The following VPS41 variants were observed in gnomAD, a reference collection of about 807,000 sequenced individuals.
VPS41 encodes vacuolar protein sorting-associated protein 41 homolog.
Under a neutral mutation model 130.9 loss-of-function variants are expected in VPS41, and 85 were observed. That is an observed-to-expected ratio of 0.65 (90% CI 0.55 to 0.78). The LOEUF (loss-of-function observed/expected upper bound fraction) is 0.78. VPS41 is among the 30% of genes least tolerant of loss of function. The pLI, the probability that VPS41 is intolerant of heterozygous loss-of-function variation, is 0.00. For synonymous variants in VPS41, 335 were observed against 332.9 expected (o/e 1.01, Z -0.07); for missense variants, 874 against 1,018.7 (o/e 0.86, Z 1.93).
intron 4 of VPS41, among the ~76,000 whole-genome samples, chr7:38,846,398 G>GC (rs397698449): frequency 6.3e-5 from 1 of 15,910 alleles, no homozygotes; most frequent in African/African-American, 2.5e-3. Context: ...TCTTCTGCAT[G>GC]AGTCATCAAG....
At chr7:38,890,650 G>T (rs111244391) in intron 2 of VPS41, among the ~76,000 whole-genome samples, 5 of 152,202 alleles carry the variant, frequency 3.3e-5, no homozygotes, top group Middle Eastern at 3.4e-3. Context: ...TTTGGAAAGC[G>T]GGTGAAGGAT....
At chr7:38,743,363 G>GA in intron 24 of VPS41, 39 bp downstream of exon 24, 6 of 1,607,396 alleles carry the variant, frequency 3.7e-6, no homozygotes, top group East Asian at 2.2e-5. Flanking sequence ...TACACTGAGA[G>GA]AAAAAAAAGT....
intron 10 of VPS41, among the ~76,000 whole-genome samples, chr7:38,785,687 A>G (rs971320753): frequency 6.6e-6 from 1 of 152,236 alleles, no homozygotes; most frequent in Non-Finnish European, 1.5e-5. Context: ...TTATAAATAT[A>G]AAACTACCTT....
intron 22 of VPS41, among the ~76,000 whole-genome samples, chr7:38,750,461 A>G (rs1221079068): frequency 1.3e-5 from 2 of 152,196 alleles, no homozygotes; most frequent in African/African-American, 4.8e-5. Flanking sequence ...ATTCTCTTTC[A>G]GTGGGACACG....
rs1189599770 is a variant in VPS41 at position 38,723,622 on chromosome 7, G to A, written c.*2624C>T. ...GCCTGTACTCCCACCTACTCCGGAA[G>A]CTGAGACGGGAGAATCACTTGAACC... On this transcript the variant is annotated 3_prime_UTR_variant, in exon 29 of 29. Coordinates refer to ENST00000310301, the MANE Select transcript of VPS41 (RefSeq NM_014396.4). 2 of 148,782 alleles carry A rather than the reference G, an allele frequency of 1.3e-5. No homozygotes were observed. Among genetic ancestry groups the A allele is most frequent in the Non-Finnish European group, 3.0e-5 (2 of 67,786 alleles). 9.2% of individuals were successfully genotyped at this position (148,782 alleles called of 1,614,324 possible). A position where few individuals can be genotyped will look rare whatever the true frequency, so the allele number is the denominator to read the frequency against.
chr7:38,897,134 T>C (rs1427657793), intron 2 of VPS41, among the ~76,000 whole-genome samples: 1 of 138,946 alleles, frequency 7.2e-6, no homozygotes. Flanking sequence ...ATAGAGGTTA[T>C]AGTGAGCCCA....
At chr7:38,895,920 C>A (rs1786978443) in intron 2 of VPS41, among the ~76,000 whole-genome samples, 1 of 152,186 alleles carries the variant, frequency 6.6e-6, no homozygotes, top group African/African-American at 2.4e-5. Flanking sequence ...CATTCTGCCT[C>A]GGCTGGGTCT....
rs188100598 is a variant in VPS41, at chr7:38,880,024, G to A, written c.61-10771C>T. ...TATGCAGCGCATATACACTGTACTA[G>A]TTACTTAAAACCTTGGTTACCTTGC... On this transcript the variant is annotated intron_variant, in intron 2 of 28. Coordinates refer to ENST00000310301, the MANE Select transcript of VPS41 (RefSeq NM_014396.4). Among the ~76,000 whole-genome samples the A allele has an allele frequency of 2.0e-5, 3 of 152,200 alleles. No individual in the cohort carries two copies. The East Asian group carries it at 5.8e-4, about 29-fold the overall frequency.
chr7:38,847,587 T>A (rs1785754551), intron 4 of VPS41, among the ~76,000 whole-genome samples: 2 of 152,242 alleles, frequency 1.3e-5, no homozygotes. Context: ...AAGGATCTGC[T>A]ATGCCACACC....
At chr7:38,863,040 A>G (rs566427304) in intron 3 of VPS41, among the ~76,000 whole-genome samples, 180 of 152,364 alleles carry the variant, frequency 1.2e-3, no homozygotes, top group African/African-American at 4.1e-3. Flanking sequence ...CTTAAGCTGC[A>G]CACATACACA....
chr7:38,783,859 T>C (rs1240735318), intron 10 of VPS41, among the ~76,000 whole-genome samples: 1 of 146,300 alleles, frequency 6.8e-6, no homozygotes, highest in African/African-American at 2.4e-5. Context: ...TCACTTCTTA[T>C]CTGTGTATTC....
At chr7:38,823,402 G>A (rs1327095251) in intron 5 of VPS41, among the ~76,000 whole-genome samples, 1 of 152,170 alleles carries the variant, frequency 6.6e-6, no homozygotes, top group Non-Finnish European at 1.5e-5. Context: ...TCAGAACTGT[G>A]AGAAATAAAT....
intron 17 of VPS41, among the ~76,000 whole-genome samples, chr7:38,760,657 G>C (rs572921050): frequency 6.6e-6 from 1 of 152,108 alleles, no homozygotes; most frequent in African/African-American, 2.4e-5. Flanking sequence ...TTTGGAAAAA[G>C]CACAGGACAC....
chr7:38,778,120 T>C (rs1426818367), intron 10 of VPS41, among the ~76,000 whole-genome samples: 7 of 152,220 alleles, frequency 4.6e-5, no homozygotes, highest in Non-Finnish European at 1.0e-4. Flanking sequence ...ATATTTCATC[T>C]GCTTTGTCCT....
intron 7 of VPS41, among the ~76,000 whole-genome samples, chr7:38,801,191 A>T (rs889691268): frequency 3.3e-5 from 5 of 152,338 alleles, no homozygotes; most frequent in Admixed American, 1.3e-4. Context: ...AATCCAGGCC[A>T]TCTCAGGATT....
In VPS41 at chr7:38,817,705, T is replaced by G; in HGVS notation, c.450+112A>C. On this transcript the variant is annotated intron_variant, in intron 7 of 28. Transcript: ENST00000310301. Reference sequence around the variant, plus strand: ...TCAGATTTCATTACATTTGTCTTTCTCGAATTTCTCCTAATGAATAGCCAG... The same window carrying G: ...TCAGATTTCATTACATTTGTCTTTCGCGAATTTCTCCTAATGAATAGCCAG... 3.3e-6 allele frequency: 3 copies of G among 922,254 alleles called. No individual in the cohort carries two copies. The South Asian group carries it at 4.0e-5, about 12-fold the overall frequency. The allele number at this position is 922,254 out of a possible 1,614,324, so 57.1% of individuals were successfully genotyped here.
intron 7 of VPS41, among the ~76,000 whole-genome samples, chr7:38,803,790 G>A (rs1784782450): frequency 1.3e-5 from 2 of 152,300 alleles, no homozygotes; most frequent in Non-Finnish European, 1.5e-5. Context: ...AAGGAGGCAG[G>A]AATGAATGAC....
chr7:38,857,914 T>C (rs1376417054), intron 4 of VPS41, among the ~76,000 whole-genome samples: 2 of 152,256 alleles, frequency 1.3e-5, no homozygotes, highest in Non-Finnish European at 2.9e-5. Flanking sequence ...GAAAGAGGGA[T>C]GGTTTACAGG....
intron 4 of VPS41, among the ~76,000 whole-genome samples, chr7:38,843,723 T>C (rs908574937): frequency 6.6e-6 from 1 of 151,854 alleles, no homozygotes; most frequent in Non-Finnish European, 1.5e-5. Context: ...CTATATTAAA[T>C]TGAAGCTCTT....
Sources: allele counts gnomAD v4.1 joint callset (sites outside exome capture counted in the v4.1 genomes callset), GRCh38; gene constraint gnomAD v4.1.1; transcripts MANE v1.5; gene names NCBI Gene and HGNC (gene_info 2026-07-23, HGNC 2026-07-21).